The following PTPRD variants were observed in gnomAD, a reference collection of about 807,000 sequenced individuals.
PTPRD encodes the protein protein tyrosine phosphatase receptor type D, also known as receptor-type tyrosine-protein phosphatase delta.
PTPRD carries 34 observed loss-of-function variants against 214.5 expected under a neutral mutation model. The observed-to-expected ratio is 0.16, with a 90% CI of 0.12 to 0.21. The LOEUF (loss-of-function observed/expected upper bound fraction) is 0.21. Ranked by LOEUF, PTPRD falls within the 10% of genes least tolerant of loss-of-function variation. PTPRD has a pLI of 1.00. For synonymous variants in PTPRD, 1,128 were observed against 845.7 expected (o/e 1.33, Z -5.79); for missense variants, 2,545 against 2,398.7 (o/e 1.06, Z -1.27).
intron 5 of PTPRD, among the ~76,000 whole-genome samples, chr9:9,887,009 G>C (rs2071198923): frequency 6.6e-6 from 1 of 152,142 alleles, no homozygotes; most frequent in African/African-American, 2.4e-5. Context: ...CAAACCATGA[G>C]AGGCCATAAA....
intron 10 of PTPRD, among the ~76,000 whole-genome samples, chr9:9,182,500 A>T (rs1467606072): frequency 6.6e-6 from 1 of 152,024 alleles, no homozygotes; most frequent in Non-Finnish European, 1.5e-5. Context: ...TTATTACGAG[A>T]TAATAGTCTC....
chr9:10,465,132 T>G (rs2098984791), intron 2 of PTPRD, among the ~76,000 whole-genome samples: 2 of 152,106 alleles, frequency 1.3e-5, no homozygotes, highest in Non-Finnish European at 2.9e-5. Context: ...TTCCCACTAA[T>G]AACAATAAAG....
chr9:8,680,456 T>C lies in PTPRD; in HGVS notation c.65-43612A>G, dbSNP rs190088651. Among the ~76,000 whole-genome samples, 608 of 152,330 alleles carry C rather than the reference T, an allele frequency of 4.0e-3. 8 individuals are homozygous for C. The highest frequency in any genetic ancestry group is 0.014 in the African/African-American group (583 of 41,570). ...TTGAATCTCTTTCTGACATCATAAG[T>C]GACTGCCCACCTTTCCATATATGTG... On this transcript the variant is annotated intron_variant, in intron 12 of 45. Transcript: ENST00000381196.
At chr9:8,933,957 C>T (rs191221883) in intron 11 of PTPRD, among the ~76,000 whole-genome samples, 34 of 152,056 alleles carry the variant, frequency 2.2e-4, no homozygotes, top group Admixed American at 2.2e-3. Context: ...TTTCCCAACC[C>T]CAGAATATAT....
intron 2 of PTPRD, among the ~76,000 whole-genome samples, chr9:10,568,317 T>C (rs1249147453): frequency 6.6e-6 from 1 of 152,084 alleles, no homozygotes; most frequent in Non-Finnish European, 1.5e-5. Flanking sequence ...TATGGCTGCA[T>C]AGTATTCCAT....
At chr9:8,819,778 C>T (rs1357830418) in intron 11 of PTPRD, among the ~76,000 whole-genome samples, 18 of 152,170 alleles carry the variant, frequency 1.2e-4, no homozygotes, top group Non-Finnish European at 2.6e-4. Context: ...TGTGACACAG[C>T]ATCGTGAAGT....
intron 10 of PTPRD, among the ~76,000 whole-genome samples, chr9:9,042,901 C>G (rs2099645442): frequency 6.6e-6 from 1 of 152,022 alleles, no homozygotes; most frequent in African/African-American, 2.4e-5. Context: ...TCTGGGGTGG[C>G]AACAGCAGCA....
At chr9:9,130,074 C>T (rs1479577025) in intron 10 of PTPRD, among the ~76,000 whole-genome samples, 1 of 152,068 alleles carries the variant, frequency 6.6e-6, no homozygotes, top group Admixed American at 6.5e-5. Flanking sequence ...ATATGCTTGT[C>T]TATCTTATGT....
At chr9:9,308,359 T>C (rs1266415365) in intron 9 of PTPRD, among the ~76,000 whole-genome samples, 1 of 152,196 alleles carries the variant, frequency 6.6e-6, no homozygotes, top group Non-Finnish European at 1.5e-5. Context: ...GATATGAGAA[T>C]TGCAAGAATA....
chr9:8,543,891 T>C (rs964115816), intron 14 of PTPRD, among the ~76,000 whole-genome samples: 7 of 152,164 alleles, frequency 4.6e-5, no homozygotes, highest in Non-Finnish European at 8.8e-5. Context: ...TTTCTATTTT[T>C]AGTAGAGACG....
intron 2 of PTPRD, among the ~76,000 whole-genome samples, chr9:10,539,217 C>T (rs901890455): frequency 6.6e-6 from 1 of 152,196 alleles, no homozygotes; most frequent in African/African-American, 2.4e-5. Flanking sequence ...TGGAGTCTCG[C>T]TCTGTTGCCC....
At chr9:9,488,037 T>C (rs1001225303) in intron 8 of PTPRD, among the ~76,000 whole-genome samples, 1 of 152,216 alleles carries the variant, frequency 6.6e-6, no homozygotes, top group Admixed American at 6.5e-5. Context: ...TGAGGTAGAC[T>C]TTCCTGGATT....
chr9:9,842,326 A>ATTTTTTTTTTTT, intron 5 of PTPRD, among the ~76,000 whole-genome samples: 1 of 36,882 alleles, frequency 2.7e-5, no homozygotes, highest in Non-Finnish European at 7.2e-5. Context: ...TTTTTTTGTC[A>ATTTTTTTTTTTT]TGGACACCAA....
Position 10,461,443 on chromosome 9 carries a change from T to C in PTPRD, c.-599-120426A>G, listed in dbSNP as rs574267394. Among the ~76,000 whole-genome samples the C allele has an allele frequency of 3.3e-5, 5 of 151,992 alleles. No individual in the cohort carries two copies. In the East Asian group the frequency reaches 9.7e-4, roughly 30 times the overall value. ...AGTCGAGCTATGAAAATAATCTAGGTGCCTATCAATGAAAAAATGGATGAA... is the reference window on the plus strand; with the variant it reads ...AGTCGAGCTATGAAAATAATCTAGGCGCCTATCAATGAAAAAATGGATGAA... On this transcript the variant is annotated intron_variant, in intron 2 of 45. Transcript: ENST00000381196.
chr9:10,338,275 C>T (rs1009412843), intron 3 of PTPRD, among the ~76,000 whole-genome samples: 3 of 151,536 alleles, frequency 2.0e-5, no homozygotes, highest in African/African-American at 7.3e-5. Flanking sequence ...ACAGCCTCAC[C>T]TTTTCTGCTA....
intron 10 of PTPRD, among the ~76,000 whole-genome samples, chr9:9,084,309 AC>A (rs1415312031): frequency 6.6e-6 from 1 of 152,146 alleles, no homozygotes; most frequent in Non-Finnish European, 1.5e-5. Context: ...GGAACAGAAA[AC>A]CAAACACCGC....
chr9:8,602,407 A>T (rs1487186054), intron 14 of PTPRD, among the ~76,000 whole-genome samples: 1 of 152,204 alleles, frequency 6.6e-6, no homozygotes. Flanking sequence ...GACAACAGCA[A>T]CTGTGACTCT....
In PTPRD at chr9:9,113,057, T is replaced by G. The variant is rs144175609; in HGVS notation, c.-143+70247A>C. Among the ~76,000 whole-genome samples the G allele has an allele frequency of 5.4e-3, 815 of 151,660 alleles. 7 individuals are homozygous for G. The highest frequency in any genetic ancestry group is 0.019 in the African/African-American group (783 of 41,394). ...ATAGCTCACTGCAGCCTCAAACACC[T>G]GGACCCAAGTGATCCTCCTCCCTCA... is the stretch of plus-strand genomic sequence containing the variant. On this transcript the variant is annotated intron_variant, in intron 10 of 45. Coordinates refer to ENST00000381196, the MANE Select transcript of PTPRD (RefSeq NM_002839.4).
intron 3 of PTPRD, among the ~76,000 whole-genome samples, chr9:10,037,103 A>G (rs1411834320): frequency 4.0e-5 from 6 of 151,328 alleles, no homozygotes; most frequent in Non-Finnish European, 8.8e-5. Flanking sequence ...GTTGCCCAGA[A>G]TGGTCTCGGA....
Sources: allele counts gnomAD v4.1 joint callset (sites outside exome capture counted in the v4.1 genomes callset), GRCh38; gene constraint gnomAD v4.1.1; transcripts MANE v1.5; gene names NCBI Gene and HGNC (gene_info 2026-07-23, HGNC 2026-07-21).